Variants in CD180 observed in about 807,000 individuals in gnomAD.
CD180 encodes the protein CD180 antigen.
Under a neutral mutation model 10.7 loss-of-function variants are expected in CD180, and 11 were observed. That is an observed-to-expected ratio of 1.03 (90% CI 0.65 to 1.70). The LOEUF is 1.70. CD180 is among the 40% of genes most tolerant of loss of function. The pLI, the probability that CD180 is intolerant of heterozygous loss-of-function variation, is 0.00. For missense variants in CD180, 729 were observed against 775.2 expected (o/e 0.94, Z 0.71); for synonymous variants, 286 against 294.6 (o/e 0.97, Z 0.30).
chr5:67,188,956 GA>G (rs1197373757), intron 1 of CD180, among the ~76,000 whole-genome samples: 6 of 152,266 alleles, frequency 3.9e-5, no homozygotes, highest in Admixed American at 2.0e-4. Flanking sequence ...ACTGGTGGGG[GA>G]AAAAACCACG....
At position 67,181,217 on chromosome 5, in the gene CD180, T is replaced by C. The variant is rs1289955443; in HGVS notation, c.*1640A>G. On this transcript the variant is annotated 3_prime_UTR_variant, in exon 3 of 3. Transcript: ENST00000256447. ...GTTAATTCCAAACACTGATAAGCAT[T>C]ATAAAGATAATAAAACCAGGTGAGG... 6.6e-6 allele frequency: 1 copy of C among 152,086 alleles called. No homozygotes were observed. The highest frequency in any genetic ancestry group is 1.5e-5 in the Non-Finnish European group (1 of 68,010). The allele number at this position is 152,086 out of a possible 1,614,324, so 9.4% of individuals were successfully genotyped here. A position where few individuals can be genotyped will look rare whatever the true frequency, so the allele number is the denominator to read the frequency against.
chr5:67,191,611 A>C (rs1278666667), intron 1 of CD180, among the ~76,000 whole-genome samples: 1 of 152,208 alleles, frequency 6.6e-6, no homozygotes, highest in African/African-American at 2.4e-5. Context: ...GTGCATCTAA[A>C]ATGATGCCAC....
In CD180 at chr5:67,191,898, C is replaced by A. The variant is rs142924218; in HGVS notation, c.90+4654G>T. Among the ~76,000 whole-genome samples, 391 of 152,190 alleles carry A rather than the reference C, an allele frequency of 2.6e-3. 2 individuals are homozygous for A. The highest frequency in any genetic ancestry group is 9.0e-3 in the African/African-American group (372 of 41,510). On this transcript the variant is annotated intron_variant, in intron 1 of 2. Coordinates refer to ENST00000256447, the MANE Select transcript of CD180 (RefSeq NM_005582.3). ...TTTTATTTAAAAATTAATCTTGACT[C>A]CTACTTGTATGTAAAAAACAAAAAC... is the stretch of plus-strand genomic sequence containing the variant.
rs1379186216 is a variant in CD180 at position 67,182,783 on chromosome 5, A to G, written c.*74T>C. 1 of 1,257,338 alleles carries G rather than the reference A, an allele frequency of 8.0e-7. No homozygotes were observed. The highest frequency in any genetic ancestry group is 1.5e-5 in the African/African-American group (1 of 66,306). 77.9% of individuals were successfully genotyped at this position (1,257,338 alleles called of 1,614,324 possible). A position where few individuals can be genotyped will look rare whatever the true frequency, so the allele number is the denominator to read the frequency against. ...ATCTGAAAAGTCTGGTCTGGTCACC[A>G]GCAGATGACAGTTCTTTCACTTAGA... On this transcript the variant is annotated 3_prime_UTR_variant, in exon 3 of 3. Coordinates refer to ENST00000256447, the MANE Select transcript of CD180 (RefSeq NM_005582.3).
intron 1 of CD180, among the ~76,000 whole-genome samples, chr5:67,193,174 C>T (rs1742341085): frequency 6.6e-6 from 1 of 152,158 alleles, no homozygotes; most frequent in South Asian, 2.1e-4. Context: ...CGTCAAATTC[C>T]ACCTCAGAGA....
At chr5:67,193,183 G>T (rs1742341394) in intron 1 of CD180, among the ~76,000 whole-genome samples, 1 of 152,112 alleles carries the variant, frequency 6.6e-6, no homozygotes, top group Non-Finnish European at 1.5e-5. Context: ...CCACCTCAGA[G>T]AACTTTTATT....
chr5:67,182,673 G>C lies in CD180; in HGVS notation c.*184C>G. The C allele has an allele frequency of 1.8e-6, 1 of 550,230 alleles. No individual in the cohort carries two copies. Among genetic ancestry groups the C allele is most frequent in the East Asian group, 3.0e-5 (1 of 33,152 alleles). The allele number at this position is 550,230 out of a possible 1,614,324, so 34.1% of individuals were successfully genotyped here. ...CTGGACTGAGTCATTCGGTGTACTT[G>C]CCTAGAAGGTTCTTTAGCTCTGGGA... On this transcript the variant is annotated 3_prime_UTR_variant, in exon 3 of 3. Coordinates refer to ENST00000256447, the MANE Select transcript of CD180 (RefSeq NM_005582.3).
At chr5:67,186,141 A>T in intron 1 of CD180, 124 bp from the exon 2 acceptor site, 2 of 583,116 alleles carry the variant, frequency 3.4e-6, no homozygotes, top group Non-Finnish European at 5.6e-6. Flanking sequence ...CCAAATATAC[A>T]CTTGCCAAAA....
chr5:67,189,409 T>C (rs1742258935), intron 1 of CD180, among the ~76,000 whole-genome samples: 1 of 152,188 alleles, frequency 6.6e-6, no homozygotes, highest in Non-Finnish European at 1.5e-5. Context: ...AGTGAAAAAC[T>C]GATAACGAGT....
intron 1 of CD180, among the ~76,000 whole-genome samples, chr5:67,194,821 C>A (rs968988550): frequency 3.3e-5 from 5 of 152,246 alleles, no homozygotes; most frequent in South Asian, 2.1e-4. Flanking sequence ...ATTTTCTCTC[C>A]CCCACCACCA....
At chr5:67,195,551 A>G (rs1289375652) in intron 1 of CD180, among the ~76,000 whole-genome samples, 1 of 152,174 alleles carries the variant, frequency 6.6e-6, no homozygotes, top group Non-Finnish European at 1.5e-5. Flanking sequence ...GCCCAAGCAA[A>G]GCAACACACA....
intron 1 of CD180, among the ~76,000 whole-genome samples, chr5:67,187,384 A>G (rs962479744): frequency 2.0e-5 from 3 of 152,234 alleles, no homozygotes; most frequent in African/African-American, 7.2e-5. Context: ...ATCTTGAAGT[A>G]TGAATTAATT....
rs5744499 is a variant in CD180 at position 67,188,750 on chromosome 5, A to G, written c.91-2733T>C. ...GATGCACTTTCTTGTAGCCACAGAC[A>G]TGCTCATCTGCAGAAAGTCACCAGT... On this transcript the variant is annotated intron_variant, in intron 1 of 2. Transcript: ENST00000256447. Among the ~76,000 whole-genome samples, 471 of 152,050 alleles carry G rather than the reference A, an allele frequency of 3.1e-3. 2 individuals carry two copies. The highest frequency in any genetic ancestry group is 0.011 in the African/African-American group (434 of 41,322).
chr5:67,194,530 C>T (rs1163596570), intron 1 of CD180, among the ~76,000 whole-genome samples: 2 of 152,180 alleles, frequency 1.3e-5, no homozygotes, highest in East Asian at 1.9e-4. Context: ...TTGCCATTCC[C>T]GTGTACCCTG....
At position 67,188,483 on chromosome 5, in the gene CD180, T is replaced by G. The variant is rs571841863; in HGVS notation, c.91-2466A>C. On this transcript the variant is annotated intron_variant, in intron 1 of 2. Coordinates refer to ENST00000256447, the MANE Select transcript of CD180 (RefSeq NM_005582.3). ...GGCTCCAGGTGAGTTCATTCACCCT[T>G]CCAGCCCCTGCCTTTCCTTGACACA... Among the ~76,000 whole-genome samples the G allele has an allele frequency of 2.4e-4, 37 of 152,250 alleles. 1 individual carries two copies. The South Asian group carries it at 7.3e-3, about 30-fold the overall frequency.
chr5:67,183,088 A>G lies in CD180; in HGVS notation c.1755T>C (p.Asn585=), dbSNP rs759280302. The change falls in exon 3 of 3, where the codon AAT becomes AAC. Residue 585 remains asparagine, a synonymous_variant. Transcript: ENST00000256447. ...SHNPLDCTCS[N]IHFLTWYKEN... is the part of the protein sequence containing the mutation. ...CTTTGTACCATGTTAAGAAATGAAT[A>G]TTCGAGCAAGTGCAGTCCAGGGGGT... 1.2e-6 allele frequency: 2 copies of G among 1,611,764 alleles called. No individual in the cohort carries two copies. The highest frequency in any genetic ancestry group is 3.3e-5 in the Admixed American group (2 of 59,804).
In CD180 at chr5:67,183,719, A is replaced by G; in HGVS notation, c.1124T>C (p.Leu375Pro). 1 of 1,614,200 alleles carries G rather than the reference A, an allele frequency of 6.2e-7. No individual in the cohort carries two copies. Among genetic ancestry groups the G allele is most frequent in the Non-Finnish European group, 8.5e-7 (1 of 1,180,044 alleles). ...CTCTATGTCATTATGGCTTAAATCA[A>G]GTGTCTGAAGGTTTCCTAGTTTCTC... The part of the protein sequence containing the change: ...CLEKLGNLQT[L>P]DLSHNDIEAS... The change falls in exon 3 of 3, where the codon CTT (leucine) becomes CCT (proline). Residue 375 changes from leucine (L) to proline (P), a missense_variant. Physicochemically the swap from Leu to Pro is moderately conservative, Grantham distance 98. Transcript: ENST00000256447.
rs1256722294 is a variant in CD180, at chr5:67,196,604, AG to A, written c.37del (p.Leu13CysfsTer30). 6.2e-7 allele frequency: 1 copy of A among 1,613,916 alleles called. No individual in the cohort carries two copies. Among genetic ancestry groups the A allele is most frequent in the African/African-American group, 1.3e-5 (1 of 74,876 alleles). On this transcript the variant is annotated frameshift_variant, in exon 1 of 3. Coordinates refer to ENST00000256447, the MANE Select transcript of CD180 (RefSeq NM_005582.3). LOFTEE classifies it high-confidence loss of function. ...FDVSCFFWVVLFSAGCKVITS... is the reference protein window; with the variant it reads ...FDVSCFFWVVXFSAGCKVITS... ...GATGACTTTACAGCCGGCAGAAAACAGCACCACCCAAAAGAAGCAGCTGACG... is the reference window on the plus strand; with the variant it reads ...GATGACTTTACAGCCGGCAGAAAACACACCACCCAAAAGAAGCAGCTGACG...
intron 1 of CD180, among the ~76,000 whole-genome samples, chr5:67,186,848 C>CTGTGTGTGTGTGTGTGTGTGTG (rs56004314): frequency 1.0e-4 from 15 of 146,714 alleles, no homozygotes; most frequent in African/African-American, 3.8e-4. Flanking sequence ...TTTGTTCTAT[C>CTGTGTGTGTGTGTGTGTGTGTG]TGTGTGTGTG....
Sources: gnomAD v4.1 joint callset for allele counts (sites outside exome capture counted in the v4.1 genomes callset) on GRCh38, gnomAD v4.1.1 for gene constraint, MANE v1.5 for transcripts, NCBI Gene and HGNC (gene_info 2026-07-23, HGNC 2026-07-21) for gene names.